INO80: variants seen among roughly 807,000 people sequenced by gnomAD.
INO80 encodes chromatin-remodeling ATPase INO80.
INO80 carries 20 observed loss-of-function variants against 203.4 expected under a neutral mutation model. That is an observed-to-expected ratio of 0.10 (90% confidence interval 0.07 to 0.14). The LOEUF (loss-of-function observed/expected upper bound fraction) is 0.14. Among genes scored for constraint, INO80 ranks in the 10% least tolerant of loss-of-function variants. INO80 has a pLI of 1.00. For synonymous variants in INO80, 726 were observed against 685.2 expected, an observed-to-expected ratio of 1.06 and a Z score of -0.93; for missense variants, 1,419 against 1,914.4, an observed-to-expected ratio of 0.74 and a Z score of 4.83.
chr15:41,107,520 C>T (rs943862781), intron 1 of INO80, among the ~76,000 whole-genome samples: 1 of 151,950 alleles, frequency 6.6e-6, no homozygotes, highest in African/African-American at 2.4e-5. Flanking sequence ...ACTAACTAGG[C>T]CAGGTGTGAT....
At chr15:41,045,903 GAA>G (rs11303324) in intron 23 of INO80, among the ~76,000 whole-genome samples, 29 of 146,944 alleles carry the variant, frequency 2.0e-4, no homozygotes, top group East Asian at 1.2e-3. Context: ...TTCATCTCGG[GAA>G]AAAAAAAAAA....
chr15:41,046,519 C>T (rs28419120), intron 23 of INO80, among the ~76,000 whole-genome samples: 78 of 151,254 alleles, frequency 5.2e-4, no homozygotes, highest in African/African-American at 1.9e-3. Context: ...AGCCACTGCG[C>T]CTGGCCTATT....
Position 41,020,908 on chromosome 15 carries a change from C to G in INO80, c.3266G>C (p.Arg1089Thr). The G allele has an allele frequency of 6.2e-7, 1 of 1,609,246 alleles. No homozygotes were observed. The highest frequency in any genetic ancestry group is 2.2e-5 in the East Asian group (1 of 44,828). ...IRPQNGWSFI[R>T]IPGKESLITD... ...GAGGATTGAGAACTCACCTGGAATCCTGATGAAAGACCAGCCATTCTGAGG... is the reference window on the plus strand; with the variant it reads ...GAGGATTGAGAACTCACCTGGAATCGTGATGAAAGACCAGCCATTCTGAGG... Residue 1089 changes from arginine to threonine, a missense_variant, in exon 26 of 36, where the codon AGG (arginine) becomes ACG (threonine). This residue lies in a region of INO80 where 302 missense variants were observed against 345.4 expected (regional missense o/e 0.87). Coordinates refer to ENST00000648947, the MANE Select transcript of INO80 (RefSeq NM_017553.3).
intron 29 of INO80, among the ~76,000 whole-genome samples, chr15:40,989,330 A>T (rs2043785861): frequency 6.6e-6 from 1 of 152,236 alleles, no homozygotes; most frequent in Non-Finnish European, 1.5e-5. Context: ...CTGAGCAACA[A>T]ACAAATTAAC....
rs371132622 is a variant in INO80, at chr15:41,071,218, A to G, written c.1605+631T>C. 1.5e-4 allele frequency among the ~76,000 whole-genome samples: 23 copies of G among 152,324 alleles called. No homozygotes were observed. The South Asian group carries it at 2.1e-3, about 14-fold the overall frequency. ...CCTTCTGCCTCTTGTCAAAGGATAT[A>G]GCTTTTTATTTTTTAATAAATCTAC... On this transcript the variant is annotated intron_variant, in intron 12 of 35. Transcript: ENST00000648947.
At chr15:41,005,792 C>G in intron 27 of INO80, 105 bp from the exon 28 acceptor site, 1 of 586,832 alleles carries the variant, frequency 1.7e-6, no homozygotes, top group Non-Finnish European at 3.1e-6. Flanking sequence ...TGGAGGCAAG[C>G]CATTATAACC....
chr15:40,995,198 A>G (rs1298530753), intron 29 of INO80, among the ~76,000 whole-genome samples: 2 of 152,206 alleles, frequency 1.3e-5, no homozygotes, highest in Non-Finnish European at 2.9e-5. Context: ...TTGAGGCCAA[A>G]GTCTAGTATG....
At chr15:40,982,804 G>A in intron 35 of INO80, 58 bp downstream of exon 35, 7 of 1,408,860 alleles carry the variant, frequency 5.0e-6, no homozygotes, top group Admixed American at 1.9e-5. Context: ...CTGACTGACA[G>A]AATTTCTAGA....
chr15:41,053,286 T>G (rs775704020), intron 19 of INO80, among the ~76,000 whole-genome samples: 3 of 152,148 alleles, frequency 2.0e-5, no homozygotes, highest in African/African-American at 4.8e-5. Context: ...TTTGTATTTT[T>G]AGTAGAGACG....
rs376366205 is a variant in INO80 at position 40,992,014 on chromosome 15, G to A, written c.3571-4040C>T. ...GATGGTCTCGATCTCCTGACCTCGTGATCCGCCAGCCTGGGCTTCCCAAAG... is the reference window on the plus strand; with the variant it reads ...GATGGTCTCGATCTCCTGACCTCGTAATCCGCCAGCCTGGGCTTCCCAAAG... On this transcript the variant is annotated intron_variant, in intron 29 of 35. Transcript: ENST00000648947. 4.6e-5 allele frequency among the ~76,000 whole-genome samples: 7 copies of A among 152,284 alleles called. No homozygotes were observed. In the East Asian group the frequency reaches 9.7e-4, roughly 21 times the overall value.
chr15:41,091,656 T>C (rs1339857551), intron 5 of INO80, among the ~76,000 whole-genome samples: 1 of 142,664 alleles, frequency 7.0e-6, no homozygotes, highest in Non-Finnish European at 1.5e-5. Context: ...ATCTCTTTTT[T>C]TTTTTTTTTT....
chr15:41,099,893 A>G (rs1264108416), intron 1 of INO80, among the ~76,000 whole-genome samples: 1 of 152,196 alleles, frequency 6.6e-6, no homozygotes, highest in East Asian at 1.9e-4. Flanking sequence ...CTCCCTTAAG[A>G]GAACAGCAAA....
chr15:41,068,481 A>T (rs1293873898), intron 14 of INO80, among the ~76,000 whole-genome samples: 1 of 152,128 alleles, frequency 6.6e-6, no homozygotes, highest in African/African-American at 2.4e-5. Context: ...GAATCACTTC[A>T]ACCCTGGAGG....
At chr15:41,114,499 A>C (rs564874382) in intron 1 of INO80, among the ~76,000 whole-genome samples, 1 of 152,058 alleles carries the variant, frequency 6.6e-6, no homozygotes, top group African/African-American at 2.4e-5. Flanking sequence ...ACTTGAGGTC[A>C]GGAGTTCGAG....
At chr15:41,080,995 G>A in intron 8 of INO80, 25 bp downstream of exon 8, 1 of 1,506,122 alleles carries the variant, frequency 6.6e-7, no homozygotes, top group Non-Finnish European at 9.2e-7. Context: ...AACATGAAAT[G>A]GAAAATACAA....
chr15:40,983,433 C>T (rs1893910767), intron 34 of INO80, among the ~76,000 whole-genome samples: 1 of 152,146 alleles, frequency 6.6e-6, no homozygotes, highest in Non-Finnish European at 1.5e-5. Context: ...AAATTTTACC[C>T]TCGAGTTTTG....
chr15:41,092,069 T>C lies in INO80; in HGVS notation c.495A>G (p.Lys165=), dbSNP rs780822235. 1.2e-5 allele frequency: 19 copies of C among 1,611,902 alleles called. No individual in the cohort carries two copies. In the South Asian group the frequency reaches 2.1e-4, roughly 18 times the overall value. The part of the protein sequence containing the change: ...EELHNMLRLH[K]YKKLHQNKYS... ...ACTTATTTTGGTGAAGTTTCTTATA[T>C]TTGTGTAGTCGAAGCATGTTGTGAA... The change falls in exon 5 of 36, where the codon AAA becomes AAG. Residue 165 remains lysine (K), a synonymous_variant. Transcript: ENST00000648947.
chr15:41,112,207 T>C (rs530195005), intron 1 of INO80, among the ~76,000 whole-genome samples: 130 of 152,232 alleles, frequency 8.5e-4, no homozygotes, highest in Middle Eastern at 6.8e-3. Flanking sequence ...TGGCCAAAAA[T>C]ACTCTTCAAA....
At position 41,085,596 on chromosome 15, in the gene INO80, C is replaced by A; in HGVS notation, c.659-13G>T. On this transcript the variant is annotated splice_polypyrimidine_tract_variant and intron_variant, in intron 6 of 35. Transcript: ENST00000648947. ...TTTTTCAACTTAGCTGCAAAAGAAACAGATGCAACAGGTTGCACTTCCACA... is the reference window on the plus strand; with the variant it reads ...TTTTTCAACTTAGCTGCAAAAGAAAAAGATGCAACAGGTTGCACTTCCACA... The A allele has an allele frequency of 2.5e-6, 4 of 1,607,834 alleles. No individual in the cohort carries two copies. The highest frequency in any genetic ancestry group is 3.4e-6 in the Non-Finnish European group (4 of 1,175,160).
Sources: allele counts gnomAD v4.1 joint callset (sites outside exome capture counted in the v4.1 genomes callset), GRCh38; gene constraint gnomAD v4.1.1; regional missense constraint gnomAD v4.1.1; transcripts MANE v1.5; gene names NCBI Gene and HGNC (gene_info 2026-07-23, HGNC 2026-07-21).